The following SLC8A1 variants were observed in gnomAD, a reference collection of about 807,000 sequenced individuals.
SLC8A1 encodes solute carrier family 8 member A1.
SLC8A1 carries 18 observed loss-of-function variants against 68.3 expected under a neutral mutation model. The observed-to-expected ratio is 0.26, with a 90% CI of 0.18 to 0.39. The LOEUF (loss-of-function observed/expected upper bound fraction) is 0.39. SLC8A1 is among the 10% of genes least tolerant of loss of function. SLC8A1 has a pLI of 1.00. For synonymous variants in SLC8A1, 475 were observed against 415.5 expected (o/e 1.14, Z -1.74); for missense variants, 985 against 1,156.7 (o/e 0.85, Z 2.15).
At chr2:40,348,069 A>G (rs1042487455) in intron 2 of SLC8A1, among the ~76,000 whole-genome samples, 4 of 152,208 alleles carry the variant, frequency 2.6e-5, no homozygotes, top group African/African-American at 9.6e-5. Flanking sequence ...GGAGTCATAG[A>G]GAAGCTGAAG....
chr2:40,509,847 G>C (rs1359086988), intron 1 of SLC8A1, among the ~76,000 whole-genome samples: 1 of 150,670 alleles, frequency 6.6e-6, no homozygotes, highest in Non-Finnish European at 1.5e-5. Context: ...GTCTCACTCT[G>C]TCGTCCAGGC....
chr2:40,475,041 T>G (rs1180738329), intron 1 of SLC8A1, among the ~76,000 whole-genome samples: 1 of 152,162 alleles, frequency 6.6e-6, no homozygotes, highest in Non-Finnish European at 1.5e-5. Flanking sequence ...ATAAAAAAAT[T>G]ATTTAGGAAT....
chr2:40,287,069 A>C (rs1277256223), intron 2 of SLC8A1, among the ~76,000 whole-genome samples: 1 of 152,300 alleles, frequency 6.6e-6, no homozygotes, highest in South Asian at 2.1e-4. Flanking sequence ...AAAGGAATTT[A>C]AAACAATTTG....
chr2:40,177,592 T>C (rs987308203), intron 3 of SLC8A1, among the ~76,000 whole-genome samples: 2 of 152,272 alleles, frequency 1.3e-5, no homozygotes. Flanking sequence ...CTGTTGCACT[T>C]GTGAATTAGG....
intron 2 of SLC8A1, among the ~76,000 whole-genome samples, chr2:40,371,920 C>CA (rs1163284516): frequency 6.6e-6 from 1 of 151,948 alleles, no homozygotes; most frequent in African/African-American, 2.4e-5. Flanking sequence ...GGCACTGAGA[C>CA]AAAAAACCAG....
intron 2 of SLC8A1, among the ~76,000 whole-genome samples, chr2:40,265,690 G>A (rs1272365671): frequency 6.6e-6 from 1 of 152,160 alleles, no homozygotes; most frequent in Non-Finnish European, 1.5e-5. Context: ...GACCAAAAGA[G>A]CAGTAATTCA....
At chr2:40,373,050 C>G (rs1374024462) in intron 2 of SLC8A1, among the ~76,000 whole-genome samples, 1 of 72,490 alleles carries the variant, frequency 1.4e-5, no homozygotes, top group African/African-American at 1.0e-4. Context: ...AAAATTCAAA[C>G]TATGTCCTAG....
At chr2:40,424,730 T>C (rs1240367754) in intron 2 of SLC8A1, among the ~76,000 whole-genome samples, 1 of 151,836 alleles carries the variant, frequency 6.6e-6, no homozygotes, top group African/African-American at 2.4e-5. Context: ...ACTTGCATAC[T>C]CTGATTTTTC....
chr2:40,280,694 A>G (rs977739520), intron 2 of SLC8A1, among the ~76,000 whole-genome samples: 11 of 152,140 alleles, frequency 7.2e-5, no homozygotes, highest in Non-Finnish European at 1.3e-4. Context: ...ATATGATGTC[A>G]CAGATATAAA....
chr2:40,388,704 G>A (rs568306300), intron 2 of SLC8A1, among the ~76,000 whole-genome samples: 2 of 152,094 alleles, frequency 1.3e-5, no homozygotes, highest in South Asian at 2.1e-4. Context: ...ATCAAATAAC[G>A]CAAAGTGAAC....
chr2:40,161,878 T>A (rs2045747700), intron 5 of SLC8A1, among the ~76,000 whole-genome samples: 1 of 152,214 alleles, frequency 6.6e-6, no homozygotes, highest in South Asian at 2.1e-4. Flanking sequence ...GGTCGAAATC[T>A]GTATATGTTT....
chr2:40,394,434 T>C (rs190722632), intron 2 of SLC8A1, among the ~76,000 whole-genome samples: 49 of 152,048 alleles, frequency 3.2e-4, no homozygotes, highest in African/African-American at 1.2e-3. Context: ...CTTTGTGGTT[T>C]TTCTGTTAGT....
intron 7 of SLC8A1, among the ~76,000 whole-genome samples, chr2:40,119,704 G>A (rs2036345217): frequency 6.6e-6 from 1 of 152,208 alleles, no homozygotes; most frequent in African/African-American, 2.4e-5. Context: ...CACAAAATAT[G>A]TTGATAATAA....
exon 2 of SLC8A1, chr2:40,428,898 T>G: frequency 6.2e-7 from 1 of 1,613,822 alleles, no homozygotes; most frequent in Non-Finnish European, 8.5e-7. Flanking sequence ...CCACAGTTCC[T>G]TCAGTAAATT....
chr2:40,360,808 A>G (rs1437814018), intron 2 of SLC8A1, among the ~76,000 whole-genome samples: 1 of 152,178 alleles, frequency 6.6e-6, no homozygotes, highest in African/African-American at 2.4e-5. Flanking sequence ...CATTAGGGCA[A>G]GGTCTGCCCT....
chr2:40,420,074 T>C (rs1163489656), intron 2 of SLC8A1, among the ~76,000 whole-genome samples: 2 of 152,144 alleles, frequency 1.3e-5, no homozygotes, highest in Non-Finnish European at 2.9e-5. Flanking sequence ...TTTGTTCTTG[T>C]CCTCCAGAGA....
At chr2:40,352,696 T>C (rs1671467592) in intron 2 of SLC8A1, among the ~76,000 whole-genome samples, 2 of 152,238 alleles carry the variant, frequency 1.3e-5, no homozygotes, top group Non-Finnish European at 2.9e-5. Flanking sequence ...ACTCAGCCTC[T>C]TTTGAAAAGT....
rs530383417 is a variant in SLC8A1, at chr2:40,175,955, C to T, written c.1913-1113G>A. On this transcript the variant is annotated intron_variant, in intron 3 of 7. Coordinates refer to ENST00000406785, the Ensembl canonical transcript of SLC8A1. Reference sequence around the variant, plus strand: ...CACCTACTTGTGTCCTTATCTGTGACTTCTGTACATTATTAGATAACCAGA... The same window carrying T: ...CACCTACTTGTGTCCTTATCTGTGATTTCTGTACATTATTAGATAACCAGA... The T allele has an allele frequency of 5.9e-4, 265 of 448,282 alleles. 2 individuals are homozygous for T. The highest frequency in any genetic ancestry group is 4.1e-3 in the South Asian group (258 of 63,280). 27.8% of individuals were successfully genotyped at this position (448,282 alleles called of 1,614,324 possible). A position where few individuals can be genotyped will look rare whatever the true frequency, so the allele number is the denominator to read the frequency against.
chr2:40,296,545 G>A (rs1033990267), intron 2 of SLC8A1, among the ~76,000 whole-genome samples: 1 of 151,862 alleles, frequency 6.6e-6, no homozygotes, highest in Admixed American at 6.6e-5. Context: ...CCAATTTGTG[G>A]TACAATTTTC....
Sources: allele counts gnomAD v4.1 joint callset (sites outside exome capture counted in the v4.1 genomes callset), GRCh38; gene constraint gnomAD v4.1.1; transcripts MANE v1.5; gene names NCBI Gene and HGNC (gene_info 2026-07-23, HGNC 2026-07-21).